ADGRB3: variants seen among roughly 807,000 people sequenced by gnomAD.
ADGRB3 encodes brain-specific angiogenesis inhibitor 3.
Under a neutral mutation model 193.4 loss-of-function variants are expected in ADGRB3, and 37 were observed. That is an observed-to-expected ratio of 0.19 (90% confidence interval 0.15 to 0.25). The LOEUF (loss-of-function observed/expected upper bound fraction) is 0.25. Among genes scored for constraint, ADGRB3 ranks in the 10% least tolerant of loss-of-function variants. The probability of loss-of-function intolerance (pLI) is 1.00; values close to 1 mark genes in which losing one functional copy is unlikely to be tolerated. For missense variants in ADGRB3, 1,637 were observed against 1,852.9 expected (o/e 0.88, Z 2.14); for synonymous variants, 690 against 644.2 (o/e 1.07, Z -1.08).
chr6:68,662,931 A>T (rs1768702417), intron 3 of ADGRB3, among the ~76,000 whole-genome samples: 1 of 150,796 alleles, frequency 6.6e-6, no homozygotes, highest in South Asian at 2.1e-4. Context: ...TTTATATTAT[A>T]ATATATAGTA....
intron 3 of ADGRB3, among the ~76,000 whole-genome samples, chr6:68,850,665 T>C (rs1328826314): frequency 6.6e-6 from 1 of 152,062 alleles, no homozygotes; most frequent in African/African-American, 2.4e-5. Flanking sequence ...TTGTTGAGTC[T>C]CTACTTCACA....
chr6:69,140,475 T>A (rs563246106), intron 17 of ADGRB3, among the ~76,000 whole-genome samples: 37 of 152,230 alleles, frequency 2.4e-4, no homozygotes, highest in African/African-American at 7.9e-4. Flanking sequence ...GAATGATGAT[T>A]ACTAGAAGCT....
rs1363049892 is a variant in ADGRB3, at chr6:68,993,876, G to A, written c.1843G>A (p.Asp615Asn). ...TCAGAGAAAAAATTTCTATGCAGGC[G>A]ATCTTCTGATGTCTGTGGAGATCCT... ...LTQRKNFYAG[D>N]LLMSVEILRN... Residue 615 changes from aspartate (D) to asparagine (N), a missense_variant, in exon 11 of 32, where the codon GAT (aspartate) becomes AAT (asparagine). By Grantham distance (23) the Asp-to-Asn change is conservative. Coordinates refer to ENST00000370598, the MANE Select transcript of ADGRB3 (RefSeq NM_001704.3). 3.1e-6 allele frequency: 5 copies of A among 1,613,958 alleles called. No homozygotes were observed. Among genetic ancestry groups the A allele is most frequent in the Non-Finnish European group, 4.2e-6 (5 of 1,179,874 alleles).
intron 17 of ADGRB3, 67 bp from the exon 18 acceptor site, chr6:69,233,223 C>A (rs542408876): frequency 1.8e-5 from 29 of 1,576,052 alleles, no homozygotes; most frequent in East Asian, 6.8e-5. Context: ...ACTGCATTTT[C>A]TTCTTTACGG....
chr6:69,182,725 G>A (rs1399590349), intron 17 of ADGRB3, among the ~76,000 whole-genome samples: 4 of 152,022 alleles, frequency 2.6e-5, no homozygotes, highest in Non-Finnish European at 2.9e-5. Context: ...TGGTAAGCTG[G>A]TAAATGTTAA....
rs1383554780 is a variant in ADGRB3 at position 69,040,381 on chromosome 6, C to CTTTCTTTCTTTCTT, written c.2108-7803_2108-7802insTTCTTTCTTTCTTT. ...TCTTTCTTTCTTTCTTTCTTTCCTTCTCTCTCTTTCTTTCCTTCACGCAGG... is the reference window on the plus strand; with the variant it reads ...TCTTTCTTTCTTTCTTTCTTTCCTTCTTTCTTTCTTTCTTTCTCTCTTTCTTTCCTTCACGCAGG... On this transcript the variant is annotated intron_variant, in intron 13 of 31. Coordinates refer to ENST00000370598, the MANE Select transcript of ADGRB3 (RefSeq NM_001704.3). Among the ~76,000 whole-genome samples the CTTTCTTTCTTTCTT allele has an allele frequency of 3.7e-3, 205 of 55,986 alleles. 14 individuals are homozygous for CTTTCTTTCTTTCTT. The highest frequency in any genetic ancestry group is 0.013 in the South Asian group (17 of 1,296). 36.7% of individuals were successfully genotyped at this position (55,986 alleles called of 152,430 possible).
intron 29 of ADGRB3, among the ~76,000 whole-genome samples, chr6:69,362,559 T>C (rs1769476009): frequency 6.6e-6 from 1 of 151,940 alleles, no homozygotes; most frequent in Non-Finnish European, 1.5e-5. Flanking sequence ...CCCAATTGAT[T>C]GAGAAAATTC....
intron 10 of ADGRB3, among the ~76,000 whole-genome samples, chr6:68,982,339 A>G (rs1436499969): frequency 6.6e-6 from 1 of 152,164 alleles, no homozygotes; most frequent in Non-Finnish European, 1.5e-5. Flanking sequence ...TTCCTTAGCT[A>G]TTCAAATACA....
intron 26 of ADGRB3, among the ~76,000 whole-genome samples, chr6:69,349,522 C>T (rs1769178679): frequency 6.6e-6 from 1 of 152,036 alleles, no homozygotes; most frequent in Non-Finnish European, 1.5e-5. Context: ...TGTGAAGTCA[C>T]TCATAATTCA....
rs1227004633 is a variant in ADGRB3 at position 68,897,851 on chromosome 6, GAAAACAAAAGAAA to G, written c.758-32704_758-32692del. Among the ~76,000 whole-genome samples the G allele has an allele frequency of 8.3e-5, 11 of 133,148 alleles. No homozygotes were observed. In the East Asian group the frequency reaches 2.4e-3, roughly 29 times the overall value. The allele number at this position is 133,148 out of a possible 152,430, so 87.4% of individuals were successfully genotyped here. A position where few individuals can be genotyped will look rare whatever the true frequency, so the allele number is the denominator to read the frequency against. On this transcript the variant is annotated intron_variant, in intron 3 of 31. Coordinates refer to ENST00000370598, the MANE Select transcript of ADGRB3 (RefSeq NM_001704.3). Reference sequence around the variant, plus strand: ...AGGAGAGAAAAAGAGAAAGAAAGAAGAAAACAAAAGAAAAAAGAAAGAAAGAAAGAAAGAAAAA... The same window carrying G: ...AGGAGAGAAAAAGAGAAAGAAAGAAGAAAGAAAGAAAGAAAGAAAGAAAAA...
chr6:69,260,159 A>G (rs1287334683), intron 20 of ADGRB3, among the ~76,000 whole-genome samples: 1 of 152,174 alleles, frequency 6.6e-6, no homozygotes, highest in Non-Finnish European at 1.5e-5. Context: ...GAACACATTA[A>G]CAGTCAATTT....
At chr6:69,058,929 A>G (rs1410821426) in intron 15 of ADGRB3, among the ~76,000 whole-genome samples, 1 of 151,964 alleles carries the variant, frequency 6.6e-6, no homozygotes, top group African/African-American at 2.4e-5. Context: ...CTGTTGTTGT[A>G]TGGAGTGTTC....
rs777686252 is a variant in ADGRB3 at position 68,993,952 on chromosome 6, A to T, written c.1919A>T (p.Asp640Val). 1 of 1,613,496 alleles carries T rather than the reference A, an allele frequency of 6.2e-7. No individual in the cohort carries two copies. Among genetic ancestry groups the T allele is most frequent in the Non-Finnish European group, 8.5e-7 (1 of 1,179,562 alleles). Residue 640 changes from aspartate to valine, a missense_variant, in exon 11 of 32, where the codon GAT becomes GTT. Asp to Val is a radical substitution (Grantham distance 152). This residue lies in a region of ADGRB3 where 641 missense variants were observed against 673.9 expected (regional missense o/e 0.95). Coordinates refer to ENST00000370598, the MANE Select transcript of ADGRB3 (RefSeq NM_001704.3). ...FKRASYIPAS[D>V]GVQNFFQIVS... ...AGGGCAAGTTACATCCCTGCATCTG[A>T]TGGTGTCCAGGTAAGGGAGACAAGT...
chr6:69,304,469 A>G (rs777192651), intron 20 of ADGRB3, among the ~76,000 whole-genome samples: 1 of 151,658 alleles, frequency 6.6e-6, no homozygotes, highest in Non-Finnish European at 1.5e-5. Context: ...GTAAAATTAG[A>G]ATCCTAATTA....
In ADGRB3 at chr6:69,161,084, T is replaced by C. The variant is rs1774972413; in HGVS notation, c.2481-72206T>C. 1.3e-5 allele frequency among the ~76,000 whole-genome samples: 2 copies of C among 152,260 alleles called. 1 individual carries two copies. Among genetic ancestry groups the C allele is most frequent in the South Asian group, 4.1e-4 (2 of 4,834 alleles). Reference sequence around the variant, plus strand: ...CTTAGTTGTAAAGTGGGAATAGTAATACTACCTATCTCATAGGGCTTTATC... The same window carrying C: ...CTTAGTTGTAAAGTGGGAATAGTAACACTACCTATCTCATAGGGCTTTATC... On this transcript the variant is annotated intron_variant, in intron 17 of 31. Transcript: ENST00000370598.
intron 17 of ADGRB3, among the ~76,000 whole-genome samples, chr6:69,149,439 T>C (rs1000922532): frequency 3.9e-5 from 6 of 152,138 alleles, no homozygotes; most frequent in African/African-American, 1.4e-4. Flanking sequence ...GATCCTGAAC[T>C]CCTTCTCTGT....
At chr6:68,691,364 A>C (rs1437496129) in intron 3 of ADGRB3, among the ~76,000 whole-genome samples, 1 of 152,074 alleles carries the variant, frequency 6.6e-6, no homozygotes, top group African/African-American at 2.4e-5. Flanking sequence ...AACAAGGACC[A>C]GGCATTTGGT....
chr6:69,044,080 T>A (rs969167940), intron 13 of ADGRB3, among the ~76,000 whole-genome samples: 2 of 151,838 alleles, frequency 1.3e-5, no homozygotes, highest in Non-Finnish European at 2.9e-5. Flanking sequence ...GCAGCAGGAG[T>A]AAACCAGAAC....
intron 17 of ADGRB3, among the ~76,000 whole-genome samples, chr6:69,103,176 A>G (rs1051911839): frequency 6.6e-6 from 1 of 152,222 alleles, no homozygotes; most frequent in African/African-American, 2.4e-5. Flanking sequence ...TGCAGCATGT[A>G]CATAATGACA....
Sources: allele counts gnomAD v4.1 joint callset (sites outside exome capture counted in the v4.1 genomes callset), GRCh38; gene constraint gnomAD v4.1.1; regional missense constraint gnomAD v4.1.1; transcripts MANE v1.5; gene names NCBI Gene and HGNC (gene_info 2026-07-23, HGNC 2026-07-21).